Variants in HMOX2 observed in about 807,000 individuals in gnomAD.
The protein encoded by HMOX2 is heme oxygenase (decycling) 2.
In HMOX2, 30 loss-of-function variants were observed where a neutral mutation model predicts 33.7. That is an observed-to-expected ratio of 0.89 (90% CI 0.67 to 1.21). The LOEUF is 1.21. Among genes scored for constraint, HMOX2 ranks in the 50% most tolerant of loss-of-function variants. HMOX2 has a pLI of 0.00. For missense variants in HMOX2, 403 were observed against 399.1 expected, an observed-to-expected ratio of 1.01 and a Z score of -0.08; for synonymous variants, 155 against 155.0, an observed-to-expected ratio of 1.00 and a Z score of 0.00.
Position 4,508,219 on chromosome 16 carries a change from T to C in HMOX2, c.696+15T>C. On this transcript the variant is annotated intron_variant, in intron 4 of 5. Transcript: ENST00000570646. ...ATAACATGCAGGTACTATTGGGGGC[T>C]GCCAGCTGCTAGGGCTGAAGAGGGA... The C allele has an allele frequency of 6.3e-7, 1 of 1,583,992 alleles. No individual in the cohort carries two copies. The highest frequency in any genetic ancestry group is 8.6e-7 in the Non-Finnish European group (1 of 1,164,778).
At chr16:4,494,657 T>A (rs2058377556) in intron 1 of HMOX2, among the ~76,000 whole-genome samples, 1 of 151,572 alleles carries the variant, frequency 6.6e-6, no homozygotes, top group Admixed American at 6.6e-5. Context: ...GGCAGGCAGA[T>A]CGCTTGAGTC....
intron 1 of HMOX2, among the ~76,000 whole-genome samples, chr16:4,486,048 G>A (rs990147516): frequency 3.3e-5 from 5 of 152,124 alleles, no homozygotes; most frequent in African/African-American, 1.2e-4. Context: ...TAAACCATAC[G>A]ATTGTCCTGG....
intron 1 of HMOX2, among the ~76,000 whole-genome samples, chr16:4,484,460 C>CTTTTTTTTTT (rs58092240): frequency 4.2e-5 from 5 of 118,290 alleles, no homozygotes; most frequent in Admixed American, 8.6e-5. Context: ...CTTTTCTTTT[C>CTTTTTTTTTT]TTTTTTTTTT....
intron 1 of HMOX2, among the ~76,000 whole-genome samples, chr16:4,490,400 C>T (rs2058276358): frequency 6.6e-6 from 1 of 152,164 alleles, no homozygotes; most frequent in Admixed American, 6.5e-5. Context: ...CTACAGCTAG[C>T]TAGTAGCAGA....
Position 4,509,662 on chromosome 16 carries a change from C to T in HMOX2, c.857C>T (p.Thr286Ile), listed in dbSNP as rs140794370. The T allele has an allele frequency of 1.1e-4, 172 of 1,614,058 alleles. No individual in the cohort carries two copies. The African/African-American group carries it at 1.8e-3, about 17-fold the overall frequency. Residue 286 changes from threonine to isoleucine, a missense_variant, in exon 6 of 6, where the codon ACA becomes ATA. Physicochemically the swap from Thr to Ile is moderately conservative, Grantham distance 89. Coordinates refer to ENST00000570646, the MANE Select transcript of HMOX2 (RefSeq NM_002134.4). ...GAGGGCAGCAGCTGTCCCTTCCGAA[C>T]AGCTATGGCTGTGCTGAGGAAGCCC... ...ALEGSSCPFR[T>I]AMAVLRKPSL...
intron 1 of HMOX2, chr16:4,495,879 G>A (rs1237593762): frequency 6.6e-6 from 1 of 152,252 alleles, no homozygotes; most frequent in Non-Finnish European, 1.5e-5. Flanking sequence ...AGGTCTGGCA[G>A]GTCTGATTGC....
At chr16:4,486,700 A>G (rs2058177130) in intron 1 of HMOX2, among the ~76,000 whole-genome samples, 1 of 152,200 alleles carries the variant, frequency 6.6e-6, no homozygotes, top group South Asian at 2.1e-4. Context: ...TGATTTGGAC[A>G]TACAGGCCTA....
chr16:4,475,110 C>T (rs140358855), upstream of HMOX2, among the ~76,000 whole-genome samples: 118 of 151,892 alleles, frequency 7.8e-4, no homozygotes, highest in African/African-American at 2.7e-3. Flanking sequence ...TGCCACCAAG[C>T]CCGGCTAATT....
chr16:4,477,496 C>CT (rs1555495146), intron 1 of HMOX2, among the ~76,000 whole-genome samples: 5 of 71,576 alleles, frequency 7.0e-5, no homozygotes, highest in South Asian at 1.0e-3. Context: ...AAGACTCCAT[C>CT]TAAAAAAAAA....
At chr16:4,504,682 CTTTTTTTTTTTTT>C (rs56922429) in intron 1 of HMOX2, among the ~76,000 whole-genome samples, 3 of 65,838 alleles carry the variant, frequency 4.6e-5, no homozygotes, top group African/African-American at 7.7e-5. Context: ...TTGATACGGT[CTTTTTTTTTTTTT>C]TTTTTTTTTT....
intron 1 of HMOX2, among the ~76,000 whole-genome samples, chr16:4,478,151 C>G (rs955434734): frequency 7.2e-5 from 11 of 152,290 alleles, no homozygotes; most frequent in African/African-American, 2.6e-4. Flanking sequence ...CCTCCATTGT[C>G]TGACTTGATT....
At chr16:4,475,839 T>G (rs2057808791), upstream of HMOX2, 1 of 152,070 alleles carries the variant, frequency 6.6e-6, no homozygotes, top group African/African-American at 2.4e-5. Context: ...TTCGGGAGGT[T>G]AAGGCAGGAG....
intron 1 of HMOX2, among the ~76,000 whole-genome samples, chr16:4,492,782 A>G (rs535851101): frequency 8.5e-5 from 13 of 152,116 alleles, no homozygotes; most frequent in African/African-American, 3.1e-4. Context: ...TCACCTTGTA[A>G]TTCCAACACT....
chr16:4,499,903 T>C (rs2058515805), intron 1 of HMOX2, among the ~76,000 whole-genome samples: 2 of 152,212 alleles, frequency 1.3e-5, no homozygotes, highest in Non-Finnish European at 2.9e-5. Context: ...ATTACTTTAC[T>C]TGGTATTTTA....
intron 1 of HMOX2, among the ~76,000 whole-genome samples, chr16:4,479,143 C>A (rs2141503231): frequency 6.6e-6 from 1 of 152,184 alleles, no homozygotes; most frequent in East Asian, 1.9e-4. Flanking sequence ...AAGAGCAAAA[C>A]TTCATCTCAA....
In HMOX2 at chr16:4,509,658, C is replaced by G. The variant is rs146410700; in HGVS notation, c.853C>G (p.Arg285Gly). The G allele has an allele frequency of 5.6e-6, 9 of 1,613,990 alleles. No homozygotes were observed. In the South Asian group the frequency reaches 7.7e-5, roughly 14 times the overall value. The change falls in exon 6 of 6, where the codon CGA becomes GGA. Residue 285 changes from arginine to glycine, a missense_variant. Physicochemically the swap from Arg to Gly is moderately radical, Grantham distance 125 (BLOSUM62 -2). Coordinates refer to ENST00000570646, the MANE Select transcript of HMOX2 (RefSeq NM_002134.4). ...GALEGSSCPF[R>G]TAMAVLRKPS... ...CCTGGAGGGCAGCAGCTGTCCCTTC[C>G]GAACAGCTATGGCTGTGCTGAGGAA...
Position 4,483,216 on chromosome 16 carries a change from TGTGTGTG to T in HMOX2, c.-42+6730_-42+6736del, listed in dbSNP as rs897059300. On this transcript the variant is annotated intron_variant, in intron 1 of 5. Transcript: ENST00000570646. Reference sequence around the variant, plus strand: ...GTGTGTGTGTGTGTGTGTGTGTGTGTGTGTGTGTTTATGGAGGCTTCATTACAAAGGC... The same window carrying T: ...GTGTGTGTGTGTGTGTGTGTGTGTGTTTTATGGAGGCTTCATTACAAAGGC... Among the ~76,000 whole-genome samples the T allele has an allele frequency of 2.5e-5, 3 of 118,072 alleles. No individual in the cohort carries two copies. In the Admixed American group the frequency reaches 2.6e-4, roughly 10 times the overall value. 77.5% of individuals were successfully genotyped at this position (118,072 alleles called of 152,430 possible).
intron 1 of HMOX2, among the ~76,000 whole-genome samples, chr16:4,492,612 G>C (rs1042299923): frequency 6.6e-6 from 1 of 151,924 alleles, no homozygotes; most frequent in Non-Finnish European, 1.5e-5. Context: ...CCTACTACTC[G>C]GGAGTCTGAG....
At chr16:4,495,803 C>T (rs2058403254) in intron 1 of HMOX2, 1 of 152,184 alleles carries the variant, frequency 6.6e-6, no homozygotes, top group Admixed American at 6.5e-5. Context: ...TAGAGATGTG[C>T]AGACCCTATT....
Sources: gnomAD v4.1 joint callset for allele counts (sites outside exome capture counted in the v4.1 genomes callset) on GRCh38, gnomAD v4.1.1 for gene constraint, MANE v1.5 for transcripts, NCBI Gene and HGNC (gene_info 2026-07-23, HGNC 2026-07-21) for gene names.